The following OXR1 variants were observed in gnomAD, a reference collection of about 807,000 sequenced individuals.
OXR1 encodes the protein oxidation resistance protein 1.
In OXR1, 41 loss-of-function variants were observed where a neutral mutation model predicts 104.6. That is an observed-to-expected ratio of 0.39 (90% CI 0.31 to 0.51). The LOEUF (loss-of-function observed/expected upper bound fraction) is 0.51, where lower values mean the gene tolerates loss of function less well. Ranked by LOEUF, OXR1 falls within the 20% of genes least tolerant of loss-of-function variation. The probability of loss-of-function intolerance (pLI) is 0.77; values close to 1 mark genes in which losing one functional copy is unlikely to be tolerated. For missense variants in OXR1, 955 were observed against 1,031.9 expected, an observed-to-expected ratio of 0.93 and a Z score of 1.02; for synonymous variants, 348 against 348.4, an observed-to-expected ratio of 1.00 and a Z score of 0.01.
chr8:106,708,228 CA>C (rs35088068), intron 9 of OXR1, among the ~76,000 whole-genome samples: 3 of 150,754 alleles, frequency 2.0e-5, no homozygotes, highest in African/African-American at 4.9e-5. Flanking sequence ...CCTGTTTCTA[CA>C]AAAAAAAATT....
chr8:106,677,636 C>T (rs1827735682), intron 3 of OXR1, among the ~76,000 whole-genome samples: 1 of 152,000 alleles, frequency 6.6e-6, no homozygotes, highest in South Asian at 2.1e-4. Flanking sequence ...TTTTTACATC[C>T]TCTTGTGAAT....
rs985309809 is a variant in OXR1, at chr8:106,711,210, T to C, written c.1793+420T>C. 5.3e-5 allele frequency among the ~76,000 whole-genome samples: 8 copies of C among 152,116 alleles called. No homozygotes were observed. In the East Asian group the frequency reaches 5.8e-4, roughly 11 times the overall value. ...AAGGATGTAGTGGTCTTCACAATAT[T>C]TGTGTGTACCCTTTGCACAATTAGA... On this transcript the variant is annotated intron_variant, in intron 10 of 16. Coordinates refer to ENST00000517566, the MANE Select transcript of OXR1 (RefSeq NM_001198533.2).
Position 106,710,623 on chromosome 8 carries a change from T to C in OXR1, c.1626T>C (p.Ser542=). Residue 542 remains serine, a splice_region_variant and synonymous_variant, in exon 10 of 17, where the codon AGT becomes AGC. Transcript: ENST00000517566. ...ACACTGTTTGCATCTCAATTCTAGGTTCTGCACTTTTAAAAGAAAAGCAAA... is the reference window on the plus strand; with the variant it reads ...ACACTGTTTGCATCTCAATTCTAGGCTCTGCACTTTTAAAAGAAAAGCAAA... ...KITSADGHIE[S]SALLKEKQRH... 6.3e-7 allele frequency: 1 copy of C among 1,583,528 alleles called. No individual in the cohort carries two copies. The highest frequency in any genetic ancestry group is 1.4e-5 in the African/African-American group (1 of 73,574).
At chr8:106,498,018 C>T (rs1307551667) in intron 2 of OXR1, among the ~76,000 whole-genome samples, 1 of 152,082 alleles carries the variant, frequency 6.6e-6, no homozygotes, top group Non-Finnish European at 1.5e-5. Flanking sequence ...TGTACTGTCT[C>T]ATCTCTGACT....
chr8:106,381,499 A>G (rs1817148115), intron 2 of OXR1, among the ~76,000 whole-genome samples: 1 of 152,158 alleles, frequency 6.6e-6, no homozygotes, highest in Non-Finnish European at 1.5e-5. Context: ...TCAGTGAGGT[A>G]GGCAGGGAAG....
chr8:106,650,539 T>C (rs1824478818), intron 3 of OXR1, among the ~76,000 whole-genome samples: 1 of 152,198 alleles, frequency 6.6e-6, no homozygotes, highest in Non-Finnish European at 1.5e-5. Flanking sequence ...CAGTGGACAG[T>C]CTAGCAAGCT....
chr8:106,367,125 C>T (rs558939594), intron 2 of OXR1, among the ~76,000 whole-genome samples: 305 of 148,336 alleles, frequency 2.1e-3, no homozygotes, highest in Middle Eastern at 3.5e-3. Flanking sequence ...TGCAGTGGTG[C>T]GATCTCGGCT....
intron 2 of OXR1, among the ~76,000 whole-genome samples, chr8:106,390,020 C>T (rs541320563): frequency 2.0e-5 from 3 of 152,100 alleles, no homozygotes; most frequent in African/African-American, 4.8e-5. Flanking sequence ...GAGTTGAGAT[C>T]GCACCACTGC....
intron 1 of OXR1, among the ~76,000 whole-genome samples, chr8:106,278,069 G>C (rs1479859976): frequency 6.6e-6 from 1 of 152,184 alleles, no homozygotes; most frequent in Non-Finnish European, 1.5e-5. Context: ...CTGGGTCATG[G>C]TTAAAGTCTA....
At chr8:106,737,030 G>C (rs951478184) in intron 11 of OXR1, among the ~76,000 whole-genome samples, 3 of 151,976 alleles carry the variant, frequency 2.0e-5, no homozygotes, top group Non-Finnish European at 4.4e-5. Flanking sequence ...TCTCTCCTCT[G>C]TTGTTTCTGT....
chr8:106,284,155 A>T (rs1303044967), intron 1 of OXR1, among the ~76,000 whole-genome samples: 1 of 151,866 alleles, frequency 6.6e-6, no homozygotes, highest in Non-Finnish European at 1.5e-5. Flanking sequence ...TGGGGAGAGG[A>T]TGTCAGTTAG....
rs370630719 is a variant in OXR1 at position 106,472,703 on chromosome 8, C to T, written c.24-46240C>T. Among the ~76,000 whole-genome samples the T allele has an allele frequency of 2.0e-5, 3 of 151,802 alleles. No individual in the cohort carries two copies. The East Asian group carries it at 5.8e-4, about 29-fold the overall frequency. On this transcript the variant is annotated intron_variant, in intron 2 of 16. Transcript: ENST00000517566. ...ACATTATTCTGTCATCCGTGTCACT[C>T]CAGTCTTTTTTCTTTCTAATGTTAA...
intron 2 of OXR1, among the ~76,000 whole-genome samples, chr8:106,482,775 G>A (rs1822212223): frequency 6.6e-6 from 1 of 151,926 alleles, no homozygotes; most frequent in African/African-American, 2.4e-5. Context: ...TTCAAATTAA[G>A]TATGGACCAT....
At chr8:106,622,137 T>C (rs1415339524) in intron 3 of OXR1, among the ~76,000 whole-genome samples, 1 of 152,174 alleles carries the variant, frequency 6.6e-6, no homozygotes, top group African/African-American at 2.4e-5. Context: ...GGCCTTCTCT[T>C]TCTTACTGAC....
chr8:106,405,570 A>G (rs73701514), intron 2 of OXR1, among the ~76,000 whole-genome samples: 155 of 152,312 alleles, frequency 1.0e-3, no homozygotes, highest in African/African-American at 3.6e-3. Context: ...CTAGCCCACC[A>G]GAGTTGTTAC....
At chr8:106,330,172 C>T (rs886075434) in intron 1 of OXR1, among the ~76,000 whole-genome samples, 2 of 152,152 alleles carry the variant, frequency 1.3e-5, no homozygotes, top group South Asian at 4.1e-4. Context: ...TTCTCTCTTC[C>T]GTGCTTTTAT....
chr8:106,604,249 CA>C (rs1469508630), intron 3 of OXR1, among the ~76,000 whole-genome samples: 2 of 152,144 alleles, frequency 1.3e-5, no homozygotes, highest in African/African-American at 2.4e-5. Context: ...AAAAATGTGT[CA>C]GGGGCAAAAA....
chr8:106,477,860 A>G (rs534083897), intron 2 of OXR1, among the ~76,000 whole-genome samples: 1 of 152,080 alleles, frequency 6.6e-6, no homozygotes, highest in Admixed American at 6.6e-5. Flanking sequence ...CAAGATTATT[A>G]TAAGAATTAA....
chr8:106,742,441 A>G (rs769227195), intron 15 of OXR1, 124 bp downstream of exon 15: 6 of 586,212 alleles, frequency 1.0e-5, no homozygotes, highest in Non-Finnish European at 1.8e-5. Flanking sequence ...GAATTAGGAA[A>G]AACTATTTTA....
Sources: allele counts gnomAD v4.1 joint callset (sites outside exome capture counted in the v4.1 genomes callset), GRCh38; gene constraint gnomAD v4.1.1; transcripts MANE v1.5; gene names NCBI Gene and HGNC (gene_info 2026-07-23, HGNC 2026-07-21).